NSF: variants seen among roughly 807,000 people sequenced by gnomAD.
NSF encodes N-ethylmaleimide sensitive factor, vesicle fusing ATPase.
Under a neutral mutation model 50.3 loss-of-function variants are expected in NSF, and 14 were observed. That is an observed-to-expected ratio of 0.28 (90% CI 0.18 to 0.44). The LOEUF (loss-of-function observed/expected upper bound fraction) is 0.44, where lower values mean the gene tolerates loss of function less well. Ranked by LOEUF, NSF falls within the 20% of genes least tolerant of loss-of-function variation. NSF has a pLI of 1.00. For missense variants in NSF, 218 were observed against 504.3 expected (o/e 0.43, Z 5.44); for synonymous variants, 109 against 175.7 (o/e 0.62, Z 3.00).
chr17:46,722,129 G>A (rs754828664), intron 15 of NSF: 51 of 1,611,696 alleles, frequency 3.2e-5, no homozygotes, highest in African/African-American at 1.9e-4. Flanking sequence ...CCGGCTTCTC[G>A]CCATTGGGCT....
intron 8 of NSF, among the ~76,000 whole-genome samples, chr17:46,669,675 CATGT>C (rs1189332179): frequency 1.7e-4 from 16 of 96,022 alleles, no homozygotes; most frequent in African/African-American, 6.2e-4. Flanking sequence ...CCTAGAGCGG[CATGT>C]ATTTCCTGAT....
rs527782141 is a variant in NSF at position 46,673,906 on chromosome 17, TGG to T, written c.746-504_746-503del. 4.3e-3 allele frequency among the ~76,000 whole-genome samples: 35 copies of T among 8,120 alleles called. 8 individuals carry two copies. In the East Asian group the frequency reaches 0.092, roughly 21 times the overall value. 5.3% of individuals were successfully genotyped at this position (8,120 alleles called of 152,430 possible). A position where few individuals can be genotyped will look rare whatever the true frequency, so the allele number is the denominator to read the frequency against. ...TTTGTTATGGCTGAATAGTATTCCA[TGG>T]GGGTGTGTGTGTGTGTGTGTGTGTG... On this transcript the variant is annotated intron_variant, in intron 8 of 20. Coordinates refer to ENST00000398238, the MANE Select transcript of NSF (RefSeq NM_006178.4).
chr17:46,755,231 C>A, intron 19 of NSF, 83 bp from the exon 20 acceptor site: 1 of 1,034,374 alleles, frequency 9.7e-7, no homozygotes, highest in Non-Finnish European at 1.5e-6. Flanking sequence ...AAGTGTGAAA[C>A]CGAACACTGC....
intron 15 of NSF, chr17:46,721,533 CT>C (rs1349627395): frequency 1.7e-6 from 2 of 1,168,738 alleles, no homozygotes; most frequent in African/African-American, 3.0e-5. Context: ...ACTATACATT[CT>C]TTTTCTGTGT....
At position 46,719,636 on chromosome 17, in the gene NSF, C is replaced by T. The variant is rs994329382; in HGVS notation, c.1761+5650C>T. 3.9e-5 allele frequency among the ~76,000 whole-genome samples: 6 copies of T among 152,144 alleles called. No homozygotes were observed. Among genetic ancestry groups the T allele is most frequent in the South Asian group, 2.1e-4 (1 of 4,834 alleles). On this transcript the variant is annotated intron_variant, in intron 15 of 20. Coordinates refer to ENST00000398238, the MANE Select transcript of NSF (RefSeq NM_006178.4). The surrounding 1 kb of genome is among the most constrained non-coding windows in gnomAD (Gnocchi z 4.3). Reference sequence around the variant, plus strand: ...GACCTTCCCCTTCTCCCCTATTTTACGTTTGCTTCCCAAACTTCATTCTAT... The same window carrying T: ...GACCTTCCCCTTCTCCCCTATTTTATGTTTGCTTCCCAAACTTCATTCTAT...
chr17:46,756,034 A>T lies in NSF; in HGVS notation c.*211A>T. 1 of 548,866 alleles carries T rather than the reference A, an allele frequency of 1.8e-6. No individual in the cohort carries two copies. The highest frequency in any genetic ancestry group is 2.6e-5 in the South Asian group (1 of 39,076). 34.0% of individuals were successfully genotyped at this position (548,866 alleles called of 1,614,324 possible). ...CTCGTGGAAGGTGTCAATTTGGTTT[A>T]GAATGCTGCGCTTACCTTCCCATGC... is the stretch of plus-strand genomic sequence containing the variant. On this transcript the variant is annotated 3_prime_UTR_variant, in exon 21 of 21. Transcript: ENST00000398238.
rs2058831161 is a variant in NSF at position 46,721,588 on chromosome 17, T to C, written c.1762-4961T>C. 2.6e-6 allele frequency: 4 copies of C among 1,550,844 alleles called. No individual in the cohort carries two copies. The Admixed American group carries it at 5.0e-5, about 19-fold the overall frequency. The stretch of plus-strand genomic sequence containing the variant: ...TTTATTTAGCCATTTTTGTTTACAA[T>C]TGAAACTCTGGGAATTCAAAATTAA... On this transcript the variant is annotated intron_variant, in intron 15 of 20. Coordinates refer to ENST00000398238, the MANE Select transcript of NSF (RefSeq NM_006178.4).
intron 17 of NSF, among the ~76,000 whole-genome samples, chr17:46,733,085 C>T (rs564133611): frequency 2.6e-5 from 4 of 152,320 alleles, no homozygotes; most frequent in African/African-American, 9.6e-5. Flanking sequence ...AAATGTCCGG[C>T]TTAGCAGTGA....
chr17:46,716,275 G>A, intron 15 of NSF, among the ~76,000 whole-genome samples: 1 of 83,138 alleles, frequency 1.2e-5, no homozygotes, highest in Non-Finnish European at 2.8e-5. Context: ...TTTTTTTTTT[G>A]AGATGGAGTC....
At position 46,755,719 on chromosome 17, in the gene NSF, G is replaced by T. The variant is rs1023981058; in HGVS notation, c.2214-83G>T. On this transcript the variant is annotated intron_variant, in intron 20 of 20. Transcript: ENST00000398238. ...TAGGATAACCATTAAGAAGCTTTTA[G>T]TGATTTTTTTTTTTTTTTTTTTGAT... The T allele has an allele frequency of 1.1e-3, 1,307 of 1,156,324 alleles. 13 individuals are homozygous for T. The Admixed American group carries it at 0.027, about 24-fold the overall frequency. The allele number at this position is 1,156,324 out of a possible 1,614,324, so 71.6% of individuals were successfully genotyped here.
chr17:46,595,504 T>C (rs2057861813), intron 1 of NSF, among the ~76,000 whole-genome samples: 1 of 118,732 alleles, frequency 8.4e-6, no homozygotes, highest in Non-Finnish European at 1.5e-5. Flanking sequence ...TTTTTTTTTT[T>C]TTTTGAGACG....
intron 18 of NSF, among the ~76,000 whole-genome samples, chr17:46,751,129 C>T (rs917430045): frequency 6.6e-6 from 1 of 152,154 alleles, no homozygotes; most frequent in Non-Finnish European, 1.5e-5. Flanking sequence ...CCCATGTAGA[C>T]AGCTTTTGTG....
chr17:46,635,826 T>C (rs2058183042), intron 4 of NSF, among the ~76,000 whole-genome samples: 2 of 134,176 alleles, frequency 1.5e-5, no homozygotes, highest in Non-Finnish European at 3.3e-5. Context: ...TGTGCTCGTG[T>C]GTGAAGCCTT....
chr17:46,739,752 G>A (rs2059050593), intron 17 of NSF, among the ~76,000 whole-genome samples: 1 of 150,822 alleles, frequency 6.6e-6, no homozygotes, highest in South Asian at 2.1e-4. Context: ...TTCCAGGAGT[G>A]CAGTGGCGCG....
chr17:46,687,506 A>T (rs2146220957), intron 9 of NSF, among the ~76,000 whole-genome samples: 1 of 144,456 alleles, frequency 6.9e-6, no homozygotes, highest in Admixed American at 6.9e-5. Context: ...ACATGCAAGC[A>T]ATAATCAAAT....
chr17:46,755,144 G>A lies in NSF; in HGVS notation c.2158-170G>A, dbSNP rs544131161. Among the ~76,000 whole-genome samples the A allele has an allele frequency of 2.0e-5, 3 of 152,360 alleles. No homozygotes were observed. The South Asian group carries it at 6.2e-4, about 32-fold the overall frequency. ...ACCCCATTCACTTCCTCCAAATGAT[G>A]TGATCTGCTTTGTTTTGTGTGAGAA... On this transcript the variant is annotated intron_variant, in intron 19 of 20. Coordinates refer to ENST00000398238, the MANE Select transcript of NSF (RefSeq NM_006178.4).
At chr17:46,737,414 TATACTC>T (rs1433558544) in intron 17 of NSF, among the ~76,000 whole-genome samples, 3 of 152,208 alleles carry the variant, frequency 2.0e-5, no homozygotes, top group African/African-American at 7.2e-5. Flanking sequence ...TGGTCAGACT[TATACTC>T]AGGTATTTCT....
At chr17:46,666,066 G>C (rs1339486871) in intron 8 of NSF, among the ~76,000 whole-genome samples, 1 of 150,616 alleles carries the variant, frequency 6.6e-6, no homozygotes, top group Non-Finnish European at 1.5e-5. Flanking sequence ...CCCCAAGAAA[G>C]GGCAGTGACC....
At chr17:46,734,727 T>C (rs1352174544) in intron 17 of NSF, among the ~76,000 whole-genome samples, 2 of 152,186 alleles carry the variant, frequency 1.3e-5, no homozygotes, top group Non-Finnish European at 2.9e-5. Context: ...ATATATATAG[T>C]ACATATATAT....
Sources: allele counts gnomAD v4.1 joint callset (sites outside exome capture counted in the v4.1 genomes callset), GRCh38; gene constraint gnomAD v4.1.1; non-coding constraint Gnocchi (gnomAD v3.1); transcripts MANE v1.5; gene names NCBI Gene and HGNC (gene_info 2026-07-23, HGNC 2026-07-21).